CADM1: variants seen among roughly 807,000 people sequenced by gnomAD.
CADM1 encodes the protein TSLC-1.
In CADM1, 15 loss-of-function variants were observed where a neutral mutation model predicts 53.1. The ratio of observed to expected loss-of-function variants is 0.28; its 90% confidence interval spans 0.19 to 0.44. The LOEUF is 0.44. Ranked by LOEUF, CADM1 falls within the 20% of genes least tolerant of loss-of-function variation. CADM1 has a pLI of 1.00. For missense variants in CADM1, 434 were observed against 611.3 expected, an observed-to-expected ratio of 0.71 and a Z score of 3.06; for synonymous variants, 281 against 243.0, an observed-to-expected ratio of 1.16 and a Z score of -1.45.
chr11:115,308,137 C>CTGTG (rs1190681356), intron 1 of CADM1, among the ~76,000 whole-genome samples: 16 of 105,328 alleles, frequency 1.5e-4, no homozygotes, highest in Admixed American at 6.7e-4. Context: ...CACAAACTCT[C>CTGTG]TCTCTGTGTG....
chr11:115,278,659 G>A (rs2135070336), intron 1 of CADM1, among the ~76,000 whole-genome samples: 1 of 152,272 alleles, frequency 6.6e-6, no homozygotes, highest in Non-Finnish European at 1.5e-5. Context: ...CAATTCTACA[G>A]AAGTTTGTAA....
chr11:115,364,391 C>T (rs528837830), intron 1 of CADM1, among the ~76,000 whole-genome samples: 18 of 152,126 alleles, frequency 1.2e-4, no homozygotes, highest in South Asian at 4.2e-4. Context: ...TTTAATTTTC[C>T]TTTTTAAGTA....
chr11:115,458,354 A>G (rs905383173), intron 1 of CADM1, among the ~76,000 whole-genome samples: 1 of 152,060 alleles, frequency 6.6e-6, no homozygotes, highest in African/African-American at 2.4e-5. Flanking sequence ...AATCTATCCA[A>G]TGCTCAGTTT....
chr11:115,415,637 G>C (rs191503142), intron 1 of CADM1, among the ~76,000 whole-genome samples: 53 of 151,914 alleles, frequency 3.5e-4, no homozygotes, highest in African/African-American at 1.2e-3. Flanking sequence ...AGGAGTTCGA[G>C]ACCAGCCTGG....
chr11:115,180,778 G>A (rs757283611), intron 10 of CADM1, among the ~76,000 whole-genome samples: 4 of 152,144 alleles, frequency 2.6e-5, no homozygotes, highest in Non-Finnish European at 4.4e-5. Flanking sequence ...AATTGCTCAT[G>A]GGGGACAAAA....
chr11:115,490,653 C>T (rs1320427575), intron 1 of CADM1, among the ~76,000 whole-genome samples: 1 of 152,184 alleles, frequency 6.6e-6, no homozygotes, highest in Non-Finnish European at 1.5e-5. Context: ...CCACCTGGGC[C>T]TCCCAAAGTG....
At chr11:115,196,612 A>AAAAAAAAAAAAAAAAAAAAAC (rs1940164919) in intron 9 of CADM1, among the ~76,000 whole-genome samples, 1 of 150,464 alleles carries the variant, frequency 6.6e-6, no homozygotes, top group Non-Finnish European at 1.5e-5. Flanking sequence ...AAAAAAAAAA[A>AAAAAAAAAAAAAAAAAAAAAC]AAAAAAAATC....
Position 115,170,206 on chromosome 11 carries a change from A to G in CADM1, c.*6268T>C, listed in dbSNP as rs544094057. On this transcript the variant is annotated 3_prime_UTR_variant, in exon 12 of 12. Transcript: ENST00000331581. The stretch of plus-strand genomic sequence containing the variant: ...AGGGCAGCTGAAGTCCCGGGCCCAG[A>G]GAACCGGTTGATTTGCCCCTCAGTA... The G allele has an allele frequency of 6.5e-6, 1 of 153,498 alleles. No individual in the cohort carries two copies. Among genetic ancestry groups the G allele is most frequent in the South Asian group, 2.0e-4 (1 of 4,898 alleles). The allele number at this position is 153,498 out of a possible 1,614,324, so 9.5% of individuals were successfully genotyped here. A position where few individuals can be genotyped will look rare whatever the true frequency, so the allele number is the denominator to read the frequency against.
At chr11:115,257,309 T>C (rs986115788) in intron 1 of CADM1, among the ~76,000 whole-genome samples, 2 of 152,168 alleles carry the variant, frequency 1.3e-5, no homozygotes, top group African/African-American at 2.4e-5. Flanking sequence ...CATGAAATGA[T>C]TAAAAATACT....
intron 1 of CADM1, among the ~76,000 whole-genome samples, chr11:115,378,566 T>C (rs1395775254): frequency 6.6e-6 from 1 of 152,114 alleles, no homozygotes; most frequent in African/African-American, 2.4e-5. Context: ...AACTACAGAA[T>C]AGGGGTCAGC....
intron 3 of CADM1, among the ~76,000 whole-genome samples, chr11:115,232,126 G>A (rs1205252508): frequency 5.9e-5 from 9 of 152,022 alleles, no homozygotes; most frequent in African/African-American, 2.2e-4. Context: ...GATATAAAAG[G>A]GGAGTACATG....
At chr11:115,318,163 A>G (rs1944723849) in intron 1 of CADM1, among the ~76,000 whole-genome samples, 1 of 152,202 alleles carries the variant, frequency 6.6e-6, no homozygotes, top group Non-Finnish European at 1.5e-5. Flanking sequence ...ATACTTTCAG[A>G]ACTGCTGAAC....
chr11:115,220,146 G>A (rs45614535), intron 5 of CADM1, among the ~76,000 whole-genome samples: 52,639 of 151,944 alleles, frequency 0.35, 11,030 homozygotes, highest in Non-Finnish European at 0.47. Context: ...TGGCCTATGT[G>A]GAAGGATTTT....
chr11:115,246,684 T>C (rs1942418345), intron 1 of CADM1, among the ~76,000 whole-genome samples: 2 of 152,194 alleles, frequency 1.3e-5, no homozygotes, highest in African/African-American at 2.4e-5. Context: ...CTTTGATTCA[T>C]TGCTAATTAC....
chr11:115,308,380 G>T (rs1177108395), intron 1 of CADM1, among the ~76,000 whole-genome samples: 1 of 151,624 alleles, frequency 6.6e-6, no homozygotes, highest in East Asian at 1.9e-4. Context: ...ACATAAAAAG[G>T]GTTAAGTCAA....
At chr11:115,461,820 G>T (rs1295077141) in intron 1 of CADM1, among the ~76,000 whole-genome samples, 1 of 152,066 alleles carries the variant, frequency 6.6e-6, no homozygotes. Context: ...GTTTGAGAGG[G>T]CAGGGGGACT....
At chr11:115,373,982 A>G (rs1193210845) in intron 1 of CADM1, among the ~76,000 whole-genome samples, 8 of 152,248 alleles carry the variant, frequency 5.3e-5, no homozygotes, top group Admixed American at 4.6e-4. Flanking sequence ...TTAAGACAAC[A>G]ACAATACATT....
At chr11:115,196,900 A>C (rs1160951382) in intron 9 of CADM1, among the ~76,000 whole-genome samples, 1 of 152,198 alleles carries the variant, frequency 6.6e-6, no homozygotes, top group Non-Finnish European at 1.5e-5. Flanking sequence ...GAAATCTACA[A>C]ATAACTGAGC....
In CADM1 at chr11:115,444,636, C is replaced by T. The variant is rs546887737; in HGVS notation, c.124+59635G>A. Among the ~76,000 whole-genome samples the T allele has an allele frequency of 3.3e-5, 5 of 152,274 alleles. No homozygotes were observed. The East Asian group carries it at 5.8e-4, about 18-fold the overall frequency. On this transcript the variant is annotated intron_variant, in intron 1 of 11. Coordinates refer to ENST00000331581, the MANE Select transcript of CADM1 (RefSeq NM_001301043.2). Reference sequence around the variant, plus strand: ...TAGTTCTCTGTTCTGTATGTCCACACGACTAGAGGTAGGGGCTAGAGGACA... The same window carrying T: ...TAGTTCTCTGTTCTGTATGTCCACATGACTAGAGGTAGGGGCTAGAGGACA...
Sources: allele counts gnomAD v4.1 joint callset (sites outside exome capture counted in the v4.1 genomes callset), GRCh38; gene constraint gnomAD v4.1.1; transcripts MANE v1.5; gene names NCBI Gene and HGNC (gene_info 2026-07-23, HGNC 2026-07-21).